BRD10: variants seen among roughly 807,000 people sequenced by gnomAD.
BRD10 encodes the protein bromodomain containing 10.
chr9:5,959,340 T>A, the BRD10 span, among the ~76,000 whole-genome samples: 3 of 152,194 alleles, frequency 2.0e-5, no homozygotes, highest in Admixed American at 6.5e-5. Context: ...ACTTACTAGC[T>A]CTAGCTGTGT....
At chr9:5,946,315 C>G in the BRD10 span, among the ~76,000 whole-genome samples, 10 of 151,678 alleles carry the variant, frequency 6.6e-5, no homozygotes, top group Admixed American at 3.9e-4. Flanking sequence ...TTTAAATAAC[C>G]CAGATTAAAC....
chr9:5,911,580 G>C, the BRD10 span, among the ~76,000 whole-genome samples: 25 of 148,842 alleles, frequency 1.7e-4, no homozygotes, highest in African/African-American at 6.2e-4. Flanking sequence ...CTGTTGCCCA[G>C]GCGGAGTGCA....
the BRD10 span, among the ~76,000 whole-genome samples, chr9:5,941,701 T>C: frequency 6.6e-6 from 1 of 152,120 alleles, no homozygotes; most frequent in Non-Finnish European, 1.5e-5. Context: ...GTACAATGAG[T>C]AGTTCAATGA....
At chr9:5,994,308 G>T in the BRD10 span, among the ~76,000 whole-genome samples, 1 of 152,010 alleles carries the variant, frequency 6.6e-6, no homozygotes, top group Admixed American at 6.6e-5. Context: ...ATAATCGAAG[G>T]TATATATTCA....
At chr9:5,981,151 C>G in the BRD10 span, among the ~76,000 whole-genome samples, 1 of 152,228 alleles carries the variant, frequency 6.6e-6, no homozygotes, top group Non-Finnish European at 1.5e-5. Flanking sequence ...CAACCTCACT[C>G]TCAGTCTTCC....
chr9:5,963,587 T>C, the BRD10 span, among the ~76,000 whole-genome samples: 25 of 151,778 alleles, frequency 1.6e-4, no homozygotes, highest in African/African-American at 5.1e-4. Context: ...AAAAAGAGCC[T>C]GCATCACCAA....
At chr9:5,939,512 T>A in the BRD10 span, among the ~76,000 whole-genome samples, 1 of 152,220 alleles carries the variant, frequency 6.6e-6, no homozygotes. Context: ...AGGTAAAGGT[T>A]AACACAGACA....
the BRD10 span, among the ~76,000 whole-genome samples, chr9:5,952,206 T>C: frequency 6.6e-6 from 1 of 151,874 alleles, no homozygotes; most frequent in Non-Finnish European, 1.5e-5. Flanking sequence ...GTATTTTTAG[T>C]AGAGATGGGG....
At chr9:5,937,228 C>CAA in the BRD10 span, among the ~76,000 whole-genome samples, 19 of 90,698 alleles carry the variant, frequency 2.1e-4, no homozygotes, top group East Asian at 1.9e-3. Flanking sequence ...GACTCTGCCT[C>CAA]AAAAAAAAAA....
At chr9:5,952,895 C>A in the BRD10 span, among the ~76,000 whole-genome samples, 1 of 152,104 alleles carries the variant, frequency 6.6e-6, no homozygotes, top group Non-Finnish European at 1.5e-5. Flanking sequence ...TTATTAACTA[C>A]TCTGCAACCA....
the BRD10 span, among the ~76,000 whole-genome samples, chr9:5,942,434 A>G: frequency 2.1e-4 from 32 of 152,350 alleles, no homozygotes; most frequent in African/African-American, 6.3e-4. Context: ...GTAACATAAC[A>G]TAACGTAACA....
the BRD10 span, among the ~76,000 whole-genome samples, chr9:5,950,306 C>T: frequency 1.3e-5 from 2 of 152,142 alleles, no homozygotes; most frequent in East Asian, 1.9e-4. Flanking sequence ...TCACCAGAAG[C>T]GACTGACCTG....
At chr9:5,925,067 A>G in the BRD10 span, among the ~76,000 whole-genome samples, 1 of 152,120 alleles carries the variant, frequency 6.6e-6, no homozygotes. Context: ...TTAAAAAATT[A>G]TATGTATCTG....
chr9:5,985,709 T>G, the BRD10 span, among the ~76,000 whole-genome samples: 1 of 152,002 alleles, frequency 6.6e-6, no homozygotes, highest in Non-Finnish European at 1.5e-5. Context: ...CGCTTGAACC[T>G]GGGAGGCGGA....
the BRD10 span, among the ~76,000 whole-genome samples, chr9:5,965,602 CT>C: frequency 6.6e-6 from 1 of 152,214 alleles, no homozygotes; most frequent in South Asian, 2.1e-4. Context: ...CTAAGCCCCA[CT>C]GGGGATGACT....
the BRD10 span, among the ~76,000 whole-genome samples, chr9:5,996,626 C>A: frequency 1.3e-5 from 2 of 152,070 alleles, no homozygotes; most frequent in Non-Finnish European, 2.9e-5. Context: ...CTACCATGCC[C>A]GAGCCATGTA....
chr9:5,974,871 T>G, the BRD10 span, among the ~76,000 whole-genome samples: 1 of 152,130 alleles, frequency 6.6e-6, no homozygotes, highest in Non-Finnish European at 1.5e-5. Flanking sequence ...ACCTTGGTAG[T>G]AGAGAATAAT....
the BRD10 span, among the ~76,000 whole-genome samples, chr9:6,001,921 T>C: frequency 6.6e-6 from 1 of 152,150 alleles, no homozygotes; most frequent in Admixed American, 6.5e-5. Flanking sequence ...GTTTTCCCAA[T>C]TTGTAGGGGG....
chr9:5,969,343 A>T, the BRD10 span: 4 of 1,612,954 alleles, frequency 2.5e-6, no homozygotes, highest in Admixed American at 6.7e-5. Flanking sequence ...TCTCCATACA[A>T]GTTGGAGCTG....
Sources: gnomAD v4.1 joint callset for allele counts (sites outside exome capture counted in the v4.1 genomes callset) on GRCh38, gnomAD v4.1.1 for gene constraint, MANE v1.5 for transcripts, NCBI Gene and HGNC (gene_info 2026-07-23, HGNC 2026-07-21) for gene names.